Variants in POLD3 observed in about 807,000 individuals in gnomAD.
The protein encoded by POLD3 is DNA polymerase delta subunit 3.
In POLD3, 19 loss-of-function variants were observed where a neutral mutation model predicts 58.2. The observed-to-expected ratio is 0.33, with a 90% CI of 0.23 to 0.48. The LOEUF (loss-of-function observed/expected upper bound fraction) is 0.48, where lower values mean the gene tolerates loss of function less well. Ranked by LOEUF, POLD3 falls within the 20% of genes least tolerant of loss-of-function variation. The probability of loss-of-function intolerance (pLI) is 0.99; values close to 1 mark genes in which losing one functional copy is unlikely to be tolerated. For missense variants in POLD3, 504 were observed against 545.5 expected (o/e 0.92, Z 0.76); for synonymous variants, 172 against 193.5 (o/e 0.89, Z 0.92).
intron 3 of POLD3, among the ~76,000 whole-genome samples, chr11:74,605,157 T>A (rs982602361): frequency 4.6e-5 from 7 of 152,252 alleles, no homozygotes; most frequent in Non-Finnish European, 1.0e-4. Context: ...ATAATTTTTT[T>A]AACTGAACTT....
In POLD3 at chr11:74,604,772, G is replaced by A; in HGVS notation, c.197G>A (p.Ser66Asn). The change falls in exon 3 of 12, where the codon AGT becomes AAT. Residue 66 changes from serine to asparagine, a missense_variant. Ser to Asn is a conservative substitution (Grantham distance 46, BLOSUM62 1). Coordinates refer to ENST00000263681, the MANE Select transcript of POLD3 (RefSeq NM_006591.3). ...QLHVTYLVSG[S>N]LIQNGHSCHK... ...CATGTTACCTACTTGGTGTCTGGCA[G>A]TCTCATTCAGAATGGACATTCCGTA... The A allele has an allele frequency of 6.2e-7, 1 of 1,602,348 alleles. No individual in the cohort carries two copies. Among genetic ancestry groups the A allele is most frequent in the Non-Finnish European group, 8.6e-7 (1 of 1,169,322 alleles).
At chr11:74,604,671 G>T (rs574484784) in intron 2 of POLD3, 21 bp from the exon 3 acceptor site, 2 of 1,304,780 alleles carry the variant, frequency 1.5e-6, no homozygotes, top group South Asian at 2.4e-5. Flanking sequence ...TCTTACTTGT[G>T]CCTTCTTTTC....
chr11:74,659,894 C>T (rs113084829), intron 4 of POLD3, among the ~76,000 whole-genome samples: 5 of 152,164 alleles, frequency 3.3e-5, no homozygotes, highest in African/African-American at 4.8e-5. Context: ...TAACCTCTGC[C>T]GTTACCGAGT....
At chr11:74,651,002 G>A (rs1335594325) in intron 4 of POLD3, among the ~76,000 whole-genome samples, 9 of 152,148 alleles carry the variant, frequency 5.9e-5, no homozygotes, top group African/African-American at 2.2e-4. Flanking sequence ...GCACTTGGAC[G>A]CAGAAAGCAC....
intron 5 of POLD3, among the ~76,000 whole-genome samples, chr11:74,613,614 A>G (rs2031985748): frequency 6.6e-6 from 1 of 152,162 alleles, no homozygotes. Context: ...ATTCAATGTA[A>G]TAATGTCTCC....
Position 74,641,918 on chromosome 11 carries a change from A to G in POLD3, c.*1152A>G. On this transcript the variant is annotated 3_prime_UTR_variant, in exon 12 of 12. Transcript: ENST00000263681. ...CATTTTTATTAGTTACTTATGGAAAATCATCTATTACAATGATAACCTTCA... is the reference window on the plus strand; with the variant it reads ...CATTTTTATTAGTTACTTATGGAAAGTCATCTATTACAATGATAACCTTCA... 1 of 985,386 alleles carries G rather than the reference A, an allele frequency of 1.0e-6. No individual in the cohort carries two copies. Among genetic ancestry groups the G allele is most frequent in the African/African-American group, 1.7e-5 (1 of 57,370 alleles). 61.0% of individuals were successfully genotyped at this position (985,386 alleles called of 1,614,324 possible). A position where few individuals can be genotyped will look rare whatever the true frequency, so the allele number is the denominator to read the frequency against.
At chr11:74,626,806 G>A (rs2032446288) in intron 8 of POLD3, among the ~76,000 whole-genome samples, 3 of 152,070 alleles carry the variant, frequency 2.0e-5, no homozygotes, top group Non-Finnish European at 2.9e-5. Context: ...CAGTGGTCTC[G>A]TAAGATTATA....
Position 74,607,240 on chromosome 11 carries a change from T to TAATATA in POLD3, c.219+2446_219+2447insAATATA, listed in dbSNP as rs761011170. On this transcript the variant is annotated intron_variant, in intron 3 of 11. Transcript: ENST00000263681. Reference sequence around the variant, plus strand: ...CTTTGTATGGAATTTATTATTATTATTATATATTTATTTATTTATTTATTT... The same window carrying TAATATA: ...CTTTGTATGGAATTTATTATTATTATAATATATATATATTTATTTATTTATTTATTT... Among the ~76,000 whole-genome samples the TAATATA allele has an allele frequency of 3.3e-3, 205 of 61,918 alleles. 1 individual carries two copies. Among genetic ancestry groups the TAATATA allele is most frequent in the African/African-American group, 0.017 (195 of 11,742 alleles). The allele number at this position is 61,918 out of a possible 152,430, so 40.6% of individuals were successfully genotyped here. A position where few individuals can be genotyped will look rare whatever the true frequency, so the allele number is the denominator to read the frequency against.
intron 9 of POLD3, 44 bp from the exon 10 acceptor site, chr11:74,634,539 T>C (rs1287079612): frequency 9.8e-7 from 1 of 1,017,148 alleles, no homozygotes; most frequent in East Asian, 2.4e-5. Flanking sequence ...TTATACCAGA[T>C]AGTGCTTGTA....
intron 2 of POLD3, 148 bp from the exon 3 acceptor site, chr11:74,604,542 TCA>T: frequency 1.7e-6 from 1 of 585,332 alleles, no homozygotes; most frequent in Admixed American, 3.1e-5. Context: ...TTTTTTTTTT[TCA>T]ACTGTCCATA....
In POLD3 at chr11:74,629,214, CAG is replaced by C. The variant is rs755053471; in HGVS notation, c.900-2_900-1del. 1.3e-6 allele frequency: 2 copies of C among 1,559,112 alleles called. No homozygotes were observed. The highest frequency in any genetic ancestry group is 1.4e-5 in the African/African-American group (1 of 72,342). On this transcript the variant is annotated splice_acceptor_variant, in intron 8 of 11. Coordinates refer to ENST00000263681, the MANE Select transcript of POLD3 (RefSeq NM_006591.3). LOFTEE classifies it high-confidence loss of function. ...CGCTTAATTTATTTCTGGATGGCAA[CAG>C]GGGGAAGCGAGTAGCATTATCTGAT...
chr11:74,614,484 G>T (rs1245980156), intron 5 of POLD3, among the ~76,000 whole-genome samples: 1 of 152,204 alleles, frequency 6.6e-6, no homozygotes, highest in Non-Finnish European at 1.5e-5. Context: ...GCCGAGGCAG[G>T]TGGATCACGA....
chr11:74,664,749 T>C (rs990705585), intron 4 of POLD3, among the ~76,000 whole-genome samples: 1 of 152,176 alleles, frequency 6.6e-6, no homozygotes, highest in Non-Finnish European at 1.5e-5. Context: ...AAAAATCAAT[T>C]AATATAATAA....
intron 4 of POLD3, among the ~76,000 whole-genome samples, chr11:74,650,491 AT>A (rs1271296800): frequency 6.6e-6 from 1 of 152,184 alleles, no homozygotes; most frequent in African/African-American, 2.4e-5. Context: ...TATGCATTCT[AT>A]TTCCTCAAGT....
rs1190579729 is a variant in POLD3, at chr11:74,642,394, T to A, written c.*1628T>A. On this transcript the variant is annotated 3_prime_UTR_variant, in exon 12 of 12. Coordinates refer to ENST00000263681, the MANE Select transcript of POLD3 (RefSeq NM_006591.3). ...TTTAGAAAAAACTTCTGGAGAGAAATCCCTTTTAAACAGTTACTTTTGTCA... is the reference window on the plus strand; with the variant it reads ...TTTAGAAAAAACTTCTGGAGAGAAAACCCTTTTAAACAGTTACTTTTGTCA... 15 of 985,004 alleles carry A rather than the reference T, an allele frequency of 1.5e-5. No individual in the cohort carries two copies. Among genetic ancestry groups the A allele is most frequent in the Non-Finnish European group, 1.8e-5 (15 of 829,548 alleles). The allele number at this position is 985,004 out of a possible 1,614,324, so 61.0% of individuals were successfully genotyped here.
chr11:74,611,030 C>T (rs1485604936), intron 3 of POLD3, among the ~76,000 whole-genome samples: 1 of 152,222 alleles, frequency 6.6e-6, no homozygotes, highest in South Asian at 2.1e-4. Context: ...CCACTTCGGC[C>T]TCCCAAAGTG....
intron 4 of POLD3, among the ~76,000 whole-genome samples, chr11:74,659,219 A>C (rs2033175847): frequency 6.6e-6 from 1 of 152,304 alleles, no homozygotes; most frequent in East Asian, 1.9e-4. Flanking sequence ...TGAGCTGTAC[A>C]TTGGCCCCTT....
intron 4 of POLD3, among the ~76,000 whole-genome samples, chr11:74,658,502 G>T (rs1050183509): frequency 1.3e-5 from 2 of 152,068 alleles, no homozygotes; most frequent in Non-Finnish European, 2.9e-5. Context: ...TCACCTAAAA[G>T]TTCACAGTCC....
intron 10 of POLD3, 105 bp from the exon 11 acceptor site, chr11:74,636,092 C>A: frequency 1.9e-6 from 2 of 1,062,124 alleles, no homozygotes; most frequent in East Asian, 2.5e-5. Context: ...AACTTTTTAT[C>A]ATAATGGAGT....
Sources: gnomAD v4.1 joint callset for allele counts (sites outside exome capture counted in the v4.1 genomes callset) on GRCh38, gnomAD v4.1.1 for gene constraint, MANE v1.5 for transcripts, NCBI Gene and HGNC (gene_info 2026-07-23, HGNC 2026-07-21) for gene names.